The following MTMR10 variants were observed in gnomAD, a reference collection of about 807,000 sequenced individuals.
The protein encoded by MTMR10 is myotubularin related protein 10, also known as myotubularin-related protein 10.
MTMR10 carries 56 observed loss-of-function variants against 88.1 expected under a neutral mutation model. That is an observed-to-expected ratio of 0.64 (90% CI 0.51 to 0.79). The LOEUF is 0.79. Ranked by LOEUF, MTMR10 falls within the 30% of genes least tolerant of loss-of-function variation. The pLI, the probability that MTMR10 is intolerant of heterozygous loss-of-function variation, is 0.00. For missense variants in MTMR10, 883 were observed against 924.7 expected, an observed-to-expected ratio of 0.95 and a Z score of 0.58; for synonymous variants, 380 against 340.9, an observed-to-expected ratio of 1.11 and a Z score of -1.26.
intron 2 of MTMR10, among the ~76,000 whole-genome samples, chr15:30,980,272 A>T (rs1489365763): frequency 6.6e-6 from 1 of 152,198 alleles, no homozygotes; most frequent in Non-Finnish European, 1.5e-5. Context: ...GTGTCCATGC[A>T]AGTCAAGTCA....
At chr15:30,948,534 G>A in intron 12 of MTMR10, 63 bp from the exon 13 acceptor site, 1 of 1,498,876 alleles carries the variant, frequency 6.7e-7, no homozygotes. Flanking sequence ...GAAAGGGAAG[G>A]AAAGGTAAAC....
the MTMR10 span, chr15:30,925,381 G>C: frequency 2.4e-6 from 3 of 1,250,846 alleles, no homozygotes; most frequent in Non-Finnish European, 3.3e-6. Context: ...TTTTGAGTGT[G>C]TGTTTTCTTT....
chr15:30,986,336 G>A (rs1488035540), intron 2 of MTMR10, among the ~76,000 whole-genome samples: 1 of 151,452 alleles, frequency 6.6e-6, no homozygotes, highest in Non-Finnish European at 1.5e-5. Context: ...ACAAAAAAAT[G>A]GCAGTACTCC....
intron 11 of MTMR10, among the ~76,000 whole-genome samples, chr15:30,953,061 A>G (rs555104052): frequency 1.3e-5 from 2 of 152,264 alleles, no homozygotes; most frequent in South Asian, 4.1e-4. Context: ...AAGTGCTGGG[A>G]TTACAGGCAT....
intron 10 of MTMR10, among the ~76,000 whole-genome samples, chr15:30,954,027 A>C (rs2063287040): frequency 6.6e-6 from 1 of 151,288 alleles, no homozygotes; most frequent in African/African-American, 2.4e-5. Context: ...TCCCTGCCCC[A>C]CCCCTGCTGC....
the MTMR10 span, chr15:30,927,121 A>G: frequency 2.0e-5 from 18 of 913,782 alleles, no homozygotes; most frequent in South Asian, 3.5e-4. Context: ...AGGTGGGAGG[A>G]TCTCTTGACC....
At position 30,942,504 on chromosome 15, in the gene MTMR10, G is replaced by A. The variant is rs868815611; in HGVS notation, c.1731+386C>T. The A allele has an allele frequency of 3.3e-4, 87 of 266,010 alleles. 1 individual carries two copies. The Middle Eastern group carries it at 4.5e-3, about 14-fold the overall frequency. 16.5% of individuals were successfully genotyped at this position (266,010 alleles called of 1,614,324 possible). The stretch of plus-strand genomic sequence containing the variant: ...AAAAAAATCCCAAGAATTTATTTGG[G>A]AATTATTAAAAAGGCAAACAATGAA... On this transcript the variant is annotated intron_variant, in intron 15 of 15. Transcript: ENST00000435680.
chr15:30,947,392 GATGA>G, intron 13 of MTMR10, 92 bp from the exon 14 acceptor site: 2 of 1,404,256 alleles, frequency 1.4e-6, no homozygotes, highest in East Asian at 2.5e-5. Context: ...TTAAAGAAGA[GATGA>G]ATGAGAAAAC....
the MTMR10 span, chr15:30,927,765 G>T: frequency 2.0e-6 from 2 of 985,938 alleles, no homozygotes; most frequent in Non-Finnish European, 2.4e-6. Context: ...GTGCAGAGAA[G>T]TACGGACTTG....
chr15:30,928,609 A>G, the MTMR10 span: 1 of 1,613,620 alleles, frequency 6.2e-7, no homozygotes, highest in Non-Finnish European at 8.5e-7. Context: ...CCTGTGGGAC[A>G]TCATCTTCAT....
At chr15:30,958,406 C>T (rs1026205074) in intron 9 of MTMR10, among the ~76,000 whole-genome samples, 9 of 152,310 alleles carry the variant, frequency 5.9e-5, no homozygotes, top group Non-Finnish European at 1.0e-4. Flanking sequence ...AGAAAGGCCT[C>T]CTACTTTAAT....
chr15:30,944,329 G>A (rs985652314), intron 14 of MTMR10, among the ~76,000 whole-genome samples: 3 of 152,034 alleles, frequency 2.0e-5, no homozygotes, highest in Non-Finnish European at 2.9e-5. Flanking sequence ...CACTTTGGGA[G>A]GCCGAAGGCA....
At chr15:30,967,713 T>C (rs1459964181) in intron 6 of MTMR10, among the ~76,000 whole-genome samples, 1 of 152,170 alleles carries the variant, frequency 6.6e-6, no homozygotes, top group Non-Finnish European at 1.5e-5. Flanking sequence ...CCCATATTCA[T>C]AGCATTAAAG....
At chr15:30,950,670 CA>C (rs35764283) in intron 12 of MTMR10, among the ~76,000 whole-genome samples, 100 of 142,154 alleles carry the variant, frequency 7.0e-4, no homozygotes, top group African/African-American at 6.6e-4. Context: ...AACTCCATCT[CA>C]AAAAAAAAAA....
chr15:30,927,214 A>C, the MTMR10 span: 1 of 974,770 alleles, frequency 1.0e-6, no homozygotes, highest in Non-Finnish European at 1.2e-6. Context: ...GTCTCAAAAC[A>C]AAACAAACAA....
At chr15:30,982,361 C>G (rs549944072) in intron 2 of MTMR10, among the ~76,000 whole-genome samples, 1 of 152,248 alleles carries the variant, frequency 6.6e-6, no homozygotes, top group South Asian at 2.1e-4. Context: ...TTAACATTAG[C>G]GGAAGCTGGC....
chr15:30,945,787 T>C (rs1566946661), intron 14 of MTMR10, among the ~76,000 whole-genome samples: 1 of 152,178 alleles, frequency 6.6e-6, no homozygotes, highest in Non-Finnish European at 1.5e-5. Context: ...AAGGTCAAAC[T>C]TTCCTGGTGG....
At chr15:30,925,735 T>C in the MTMR10 span, 1 of 1,601,754 alleles carries the variant, frequency 6.2e-7, no homozygotes, top group East Asian at 2.2e-5. Context: ...AGGCAGGTTT[T>C]CAGGGACTTT....
intron 12 of MTMR10, among the ~76,000 whole-genome samples, chr15:30,951,625 G>A (rs941926021): frequency 6.6e-6 from 1 of 151,840 alleles, no homozygotes; most frequent in South Asian, 2.1e-4. Context: ...TCGGCCTCCC[G>A]AGTAGCTGAG....
Sources: gnomAD v4.1 joint callset for allele counts (sites outside exome capture counted in the v4.1 genomes callset) on GRCh38, gnomAD v4.1.1 for gene constraint, MANE v1.5 for transcripts, NCBI Gene and HGNC (gene_info 2026-07-23, HGNC 2026-07-21) for gene names.